PDE4D: variants seen among roughly 807,000 people sequenced by gnomAD.
PDE4D encodes 3',5'-cyclic-AMP phosphodiesterase 4D.
A neutral mutation model predicts 87.4 loss-of-function variants in PDE4D; 24 were observed. The ratio of observed to expected loss-of-function variants is 0.27; its 90% CI spans 0.20 to 0.39. The LOEUF is 0.39. Among genes scored for constraint, PDE4D ranks in the 10% least tolerant of loss-of-function variants. The probability of loss-of-function intolerance (pLI) is 1.00; values close to 1 mark genes in which losing one functional copy is unlikely to be tolerated. For missense variants in PDE4D, 714 were observed against 1,041.0 expected (o/e 0.69, Z 4.32); for synonymous variants, 384 against 383.2 (o/e 1.00, Z -0.02).
rs773745652 is a variant in PDE4D at position 59,215,948 on chromosome 5, G to A, written c.476C>T (p.Thr159Ile). 1.7e-5 allele frequency: 27 copies of A among 1,611,968 alleles called. No individual in the cohort carries two copies. The highest frequency in any genetic ancestry group is 3.3e-5 in the Admixed American group (2 of 59,838). ...GLRRFDVDNGTSAGRSPLDPM... is the reference protein window; with the variant it reads ...GLRRFDVDNGISAGRSPLDPM... ...ATCCAAGGGACTCCGTCCCGCAGAT[G>A]TGCCATTGTCCACATCAAAACTGTA... Residue 159 changes from threonine (T) to isoleucine (I), a missense_variant, in exon 2 of 15, where the codon ACA becomes ATA. This residue lies in a region of PDE4D where 268 missense variants were observed against 272.9 expected (regional missense o/e 0.98). Coordinates refer to ENST00000340635, the MANE Select transcript of PDE4D (RefSeq NM_001104631.2).
chr5:59,705,204 GAGA>G (rs781513747), intron 1 of PDE4D, among the ~76,000 whole-genome samples: 85 of 152,136 alleles, frequency 5.6e-4, no homozygotes, highest in Non-Finnish European at 2.2e-4. Context: ...TTCCAGGCCT[GAGA>G]AGAAGAGAGG....
intron 1 of PDE4D, among the ~76,000 whole-genome samples, chr5:59,251,203 T>C (rs1006812889): frequency 6.6e-6 from 1 of 152,158 alleles, no homozygotes; most frequent in East Asian, 1.9e-4. Context: ...TAAAAGCTTC[T>C]GCACAGCCAA....
chr5:59,828,297 T>G (rs561364676), intron 1 of PDE4D, among the ~76,000 whole-genome samples: 1 of 152,072 alleles, frequency 6.6e-6, no homozygotes, highest in South Asian at 2.1e-4. Context: ...CTTCCAGATA[T>G]ATGTTATAGA....
intron 1 of PDE4D, among the ~76,000 whole-genome samples, chr5:59,670,732 T>C (rs1044670146): frequency 1.3e-5 from 2 of 152,198 alleles, no homozygotes; most frequent in African/African-American, 4.8e-5. Flanking sequence ...AATGTAATTA[T>C]AATAAAGTGG....
At chr5:60,249,670 C>T (rs1441627374) in intron 1 of PDE4D, among the ~76,000 whole-genome samples, 1 of 151,974 alleles carries the variant, frequency 6.6e-6, no homozygotes, top group African/African-American at 2.4e-5. Flanking sequence ...TATTCCAAAC[C>T]TATTTTCTGA....
chr5:60,421,139 GCAGACTTAA>G (rs1392941684), intron 1 of PDE4D, among the ~76,000 whole-genome samples: 1 of 152,248 alleles, frequency 6.6e-6, no homozygotes, highest in African/African-American at 2.4e-5. Context: ...AGAAGCTTCT[GCAGACTTAA>G]ACATCCCTGT....
At chr5:60,263,741 A>G (rs1450745534) in intron 1 of PDE4D, among the ~76,000 whole-genome samples, 1 of 152,152 alleles carries the variant, frequency 6.6e-6, no homozygotes, top group Non-Finnish European at 1.5e-5. Flanking sequence ...TGCTATCAAA[A>G]AATCAAGCAA....
intron 1 of PDE4D, among the ~76,000 whole-genome samples, chr5:59,376,986 A>G (rs1182547937): frequency 6.6e-6 from 1 of 152,212 alleles, no homozygotes; most frequent in Admixed American, 6.5e-5. Context: ...AACTATATGC[A>G]GAAGATTGGA....
intron 2 of PDE4D, among the ~76,000 whole-genome samples, chr5:59,998,957 T>C (rs1763775599): frequency 6.6e-6 from 1 of 152,152 alleles, no homozygotes; most frequent in African/African-American, 2.4e-5. Flanking sequence ...TTAAATACTG[T>C]AAAAGTATTC....
chr5:60,446,932 G>A (rs702554), intron 1 of PDE4D, among the ~76,000 whole-genome samples: 16,856 of 152,126 alleles, frequency 0.11, 1,341 homozygotes, highest in East Asian at 0.37. Context: ...AGAGATTTGT[G>A]GGGGGCGCTG....
At chr5:60,056,725 AC>A (rs1328014361) in intron 2 of PDE4D, among the ~76,000 whole-genome samples, 2 of 152,196 alleles carry the variant, frequency 1.3e-5, no homozygotes, top group African/African-American at 4.8e-5. Flanking sequence ...TCTTTAAAAT[AC>A]AGTGTCCTTT....
chr5:59,337,540 G>T (rs774831897), intron 1 of PDE4D, among the ~76,000 whole-genome samples: 9 of 152,050 alleles, frequency 5.9e-5, no homozygotes, highest in Non-Finnish European at 8.8e-5. Flanking sequence ...AGTAGACACT[G>T]TGCTGGGCAC....
intron 1 of PDE4D, among the ~76,000 whole-genome samples, chr5:59,769,401 T>G (rs1763216811): frequency 6.6e-6 from 1 of 152,220 alleles, no homozygotes; most frequent in Non-Finnish European, 1.5e-5. Flanking sequence ...GACAGATAGT[T>G]TTCATAAGAG....
intron 1 of PDE4D, among the ~76,000 whole-genome samples, chr5:59,581,145 G>T (rs533739960): frequency 1.3e-5 from 2 of 152,238 alleles, no homozygotes; most frequent in Admixed American, 1.3e-4. Flanking sequence ...TGTGGATAAT[G>T]CTATAGCTAG....
At chr5:59,401,429 T>A (rs925649875) in intron 1 of PDE4D, among the ~76,000 whole-genome samples, 2 of 151,300 alleles carry the variant, frequency 1.3e-5, no homozygotes, top group African/African-American at 4.9e-5. Context: ...CTGTTTCTAA[T>A]ACATATATTA....
chr5:59,106,517 C>T (rs1320244283), intron 5 of PDE4D, among the ~76,000 whole-genome samples: 2 of 152,162 alleles, frequency 1.3e-5, no homozygotes, highest in East Asian at 3.9e-4. Flanking sequence ...AATCCCAGCA[C>T]TTTGGGAGGC....
intron 5 of PDE4D, among the ~76,000 whole-genome samples, chr5:59,171,485 TA>T (rs1350589267): frequency 6.6e-6 from 1 of 152,202 alleles, no homozygotes. Flanking sequence ...CCACTGTCCA[TA>T]AAATAAAGTC....
intron 1 of PDE4D, among the ~76,000 whole-genome samples, chr5:59,409,554 T>A (rs1247391538): frequency 1.3e-5 from 2 of 152,010 alleles, no homozygotes; most frequent in East Asian, 3.9e-4. Context: ...ATCTAGTTGT[T>A]TAAAAGTGTG....
At chr5:60,334,228 G>T (rs1447140982) in intron 1 of PDE4D, among the ~76,000 whole-genome samples, 4 of 152,080 alleles carry the variant, frequency 2.6e-5, no homozygotes, top group Admixed American at 1.3e-4. Context: ...TCATGAAAAG[G>T]CAAATTCTGG....
Sources: gnomAD v4.1 joint callset for allele counts (sites outside exome capture counted in the v4.1 genomes callset) on GRCh38, gnomAD v4.1.1 for gene constraint, gnomAD v4.1.1 regional missense constraint, MANE v1.5 for transcripts, NCBI Gene and HGNC (gene_info 2026-07-23, HGNC 2026-07-21) for gene names.